WWOX: variants seen among roughly 807,000 people sequenced by gnomAD.
WWOX encodes the protein WW domain-containing oxidoreductase.
Under a neutral mutation model 46.2 loss-of-function variants are expected in WWOX, and 69 were observed. The ratio of observed to expected loss-of-function variants is 1.49; its 90% confidence interval spans 1.23 to 1.82. The LOEUF is 1.82. Among genes scored for constraint, WWOX ranks in the 40% most tolerant of loss-of-function variants. The pLI, the probability that WWOX is intolerant of heterozygous loss-of-function variation, is 0.00. For missense variants in WWOX, 919 were observed against 542.6 expected (o/e 1.69, Z -6.89); for synonymous variants, 359 against 202.6 (o/e 1.77, Z -6.56).
At chr16:78,570,666 C>CT (rs2044693658) in intron 8 of WWOX, among the ~76,000 whole-genome samples, 1 of 152,126 alleles carries the variant, frequency 6.6e-6, no homozygotes, top group African/African-American at 2.4e-5. Flanking sequence ...TCTCAAGCTT[C>CT]TGAAGACACA....
At chr16:78,868,701 G>A (rs1041854041) in intron 8 of WWOX, among the ~76,000 whole-genome samples, 1 of 152,128 alleles carries the variant, frequency 6.6e-6, no homozygotes, top group East Asian at 1.9e-4. Context: ...GAGAGGAAGG[G>A]AACGTTGGAA....
At chr16:78,349,235 G>A (rs1237387480) in intron 5 of WWOX, among the ~76,000 whole-genome samples, 1 of 119,426 alleles carries the variant, frequency 8.4e-6, no homozygotes, top group Non-Finnish European at 2.0e-5. Flanking sequence ...CTTCTTTGAA[G>A]GACACCACTC....
chr16:78,326,577 GCCC>G lies in WWOX; in HGVS notation c.517-60273_517-60271del, dbSNP rs60010994. Among the ~76,000 whole-genome samples the G allele has an allele frequency of 4.9e-4, 16 of 32,776 alleles. 4 individuals are homozygous for G. Among genetic ancestry groups the G allele is most frequent in the East Asian group, 4.0e-3 (5 of 1,256 alleles). 21.5% of individuals were successfully genotyped at this position (32,776 alleles called of 152,430 possible). On this transcript the variant is annotated intron_variant, in intron 5 of 8. Transcript: ENST00000566780. ...CTTTATTTCTGCCTGCCCTCCCCCC[GCCC>G]CCCCCCCCCGCAATGCCTCAATCTG...
chr16:79,087,815 C>T (rs1182528760), intron 8 of WWOX, among the ~76,000 whole-genome samples: 1 of 152,160 alleles, frequency 6.6e-6, no homozygotes, highest in Non-Finnish European at 1.5e-5. Flanking sequence ...GAAGCCACCT[C>T]ACGTAATGTG....
At chr16:78,618,008 C>T (rs1012653026) in intron 8 of WWOX, among the ~76,000 whole-genome samples, 2 of 152,124 alleles carry the variant, frequency 1.3e-5, no homozygotes, top group African/African-American at 4.8e-5. Flanking sequence ...GTTTATTGAG[C>T]ACCTGCTATG....
intron 5 of WWOX, among the ~76,000 whole-genome samples, chr16:78,359,527 A>T (rs1031437272): frequency 5.3e-5 from 8 of 152,178 alleles, no homozygotes; most frequent in African/African-American, 1.7e-4. Context: ...TCTATCTTAG[A>T]GCTGAAAGAT....
chr16:78,556,879 C>T (rs571486410), intron 8 of WWOX, among the ~76,000 whole-genome samples: 43 of 151,930 alleles, frequency 2.8e-4, no homozygotes, highest in African/African-American at 5.6e-4. Context: ...CCACCAAGCC[C>T]GGCTAAGTTT....
intron 5 of WWOX, among the ~76,000 whole-genome samples, chr16:78,192,743 T>A (rs1382652049): frequency 2.0e-5 from 3 of 152,198 alleles, no homozygotes; most frequent in Non-Finnish European, 4.4e-5. Flanking sequence ...AATCTTTTTT[T>A]AAAAAAGTTT....
At position 78,313,138 on chromosome 16, in the gene WWOX, T is replaced by G. The variant is rs79259142; in HGVS notation, c.517-73722T>G. On this transcript the variant is annotated intron_variant, in intron 5 of 8. Coordinates refer to ENST00000566780, the MANE Select transcript of WWOX (RefSeq NM_016373.4). ...AATCCACCTGGGTGGCCAAAGTCAA[T>G]GTAATGGGCAGAAAGGGCATGTGGT... 1.8e-3 allele frequency among the ~76,000 whole-genome samples: 267 copies of G among 152,274 alleles called. 2 individuals carry two copies. The highest frequency in any genetic ancestry group is 6.9e-3 in the East Asian group (36 of 5,180).
At chr16:78,704,134 A>T (rs1057041015) in intron 8 of WWOX, among the ~76,000 whole-genome samples, 3 of 143,260 alleles carry the variant, frequency 2.1e-5, no homozygotes, top group Non-Finnish European at 4.6e-5. Context: ...GCAGGCTGTG[A>T]TTTTTTTTTT....
chr16:78,277,314 C>T (rs1461151170), intron 5 of WWOX, among the ~76,000 whole-genome samples: 2 of 152,048 alleles, frequency 1.3e-5, no homozygotes, highest in African/African-American at 4.8e-5. Context: ...AAGGGATGAA[C>T]GACTCTCTAT....
intron 8 of WWOX, among the ~76,000 whole-genome samples, chr16:79,094,082 C>CT (rs2049019150): frequency 6.6e-6 from 1 of 152,146 alleles, no homozygotes; most frequent in African/African-American, 2.4e-5. Flanking sequence ...GCCCACCTAG[C>CT]ACTCATCCCA....
In WWOX at chr16:78,321,361, TATATATATACGTATATATGC is replaced by T. The variant is rs1567499324; in HGVS notation, c.517-65498_517-65479del. On this transcript the variant is annotated intron_variant, in intron 5 of 8. Transcript: ENST00000566780. ...GCGTATATATATACGTATATATGCG[TATATATATACGTATATATGC>T]GTATATATATACGTATATATACGTA... 1.9e-4 allele frequency among the ~76,000 whole-genome samples: 10 copies of T among 51,396 alleles called. 1 individual carries two copies. Among genetic ancestry groups the T allele is most frequent in the African/African-American group, 4.6e-4 (4 of 8,670 alleles). 33.7% of individuals were successfully genotyped at this position (51,396 alleles called of 152,430 possible).
At position 78,487,327 on chromosome 16, in the gene WWOX, G is replaced by A. The variant is rs188100565; in HGVS notation, c.1056+54575G>A. The stretch of plus-strand genomic sequence containing the variant: ...TATTTTCCTCCCAGAAAAAGTAGAT[G>A]CATCAGCAGAGTTGAGCCCCTGGGC... On this transcript the variant is annotated intron_variant, in intron 8 of 8. Transcript: ENST00000566780. 5.9e-5 allele frequency among the ~76,000 whole-genome samples: 9 copies of A among 151,978 alleles called. No homozygotes were observed. In the East Asian group the frequency reaches 7.8e-4, roughly 13 times the overall value.
rs571083415 is a variant in WWOX at position 79,152,872 on chromosome 16, A to G, written c.1057-58736A>G. Among the ~76,000 whole-genome samples, 6 of 152,222 alleles carry G rather than the reference A, an allele frequency of 3.9e-5. No individual in the cohort carries two copies. The South Asian group carries it at 1.2e-3, about 32-fold the overall frequency. ...GCTCACTCCCTGGGAGATAGAACGG[A>G]GTACCCAGTTGCACTGAGGGAAGAG... On this transcript the variant is annotated intron_variant, in intron 8 of 8. Transcript: ENST00000566780.
At chr16:78,722,649 A>T (rs991062665) in intron 8 of WWOX, among the ~76,000 whole-genome samples, 1 of 151,750 alleles carries the variant, frequency 6.6e-6, no homozygotes, top group Non-Finnish European at 1.5e-5. Flanking sequence ...ACAAGAGTAG[A>T]AGAGGGATGT....
chr16:78,538,504 G>C (rs754801769), intron 8 of WWOX, among the ~76,000 whole-genome samples: 4 of 152,102 alleles, frequency 2.6e-5, no homozygotes, highest in Non-Finnish European at 5.9e-5. Flanking sequence ...CCGTGCCTTT[G>C]TCTGTAGCCT....
chr16:79,114,042 C>T (rs909269710), intron 8 of WWOX, among the ~76,000 whole-genome samples: 2 of 152,262 alleles, frequency 1.3e-5, no homozygotes, highest in East Asian at 1.9e-4. Flanking sequence ...AGGTGCTGGC[C>T]TAAGGCCTTC....
At chr16:78,238,875 T>C (rs2037531321) in intron 5 of WWOX, among the ~76,000 whole-genome samples, 1 of 140,170 alleles carries the variant, frequency 7.1e-6, no homozygotes, top group Admixed American at 7.7e-5. Flanking sequence ...CACCTTGGCC[T>C]CCCAAAGTGC....
Sources: allele counts gnomAD v4.1 joint callset (sites outside exome capture counted in the v4.1 genomes callset), GRCh38; gene constraint gnomAD v4.1.1; transcripts MANE v1.5; gene names NCBI Gene and HGNC (gene_info 2026-07-23, HGNC 2026-07-21).